The following EFHC2 variants were observed in gnomAD, a reference collection of about 807,000 sequenced individuals.
EFHC2 encodes the protein EF-hand domain containing 2, also known as EF-hand domain-containing family member C2.
Under a neutral mutation model 52.7 loss-of-function variants are expected in EFHC2, and 18 were observed. The observed-to-expected ratio is 0.34, with a 90% CI of 0.24 to 0.51. The LOEUF (loss-of-function observed/expected upper bound fraction) is 0.51, where lower values mean the gene tolerates loss of function less well. EFHC2 is among the 20% of genes least tolerant of loss of function. EFHC2 has a pLI of 0.97. For missense variants in EFHC2, 513 were observed against 562.5 expected (o/e 0.91, Z 0.89); for synonymous variants, 203 against 204.1 (o/e 0.99, Z 0.04).
chrX:44,264,822 T>C (rs2037564922), intron 3 of EFHC2, among the ~76,000 whole-genome samples: 1 of 112,307 alleles, frequency 8.9e-6, no homozygotes, highest in South Asian at 3.7e-4. Flanking sequence ...CAGGAATTTG[T>C]TTTGGGATAT....
intron 2 of EFHC2, among the ~76,000 whole-genome samples, chrX:44,282,665 G>A: frequency 3.8e-5 from 1 of 26,499 alleles, no homozygotes; most frequent in Non-Finnish European, 7.6e-5. Flanking sequence ...TGGGAGAGGA[G>A]GACAAAGAAA....
At chrX:44,215,530 G>GA (rs1491195330) in intron 11 of EFHC2, among the ~76,000 whole-genome samples, 1 of 82,987 alleles carries the variant, frequency 1.2e-5, no homozygotes, top group Admixed American at 1.1e-4. Flanking sequence ...TACTTCCATT[G>GA]GGGGGGGGTG....
intron 6 of EFHC2, 128 bp downstream of exon 6, chrX:44,248,675 A>G: frequency 1.8e-6 from 1 of 562,255 alleles, no homozygotes; most frequent in Admixed American, 3.1e-5. Context: ...TAGCAGTACA[A>G]TGCATACATT....
intron 2 of EFHC2, among the ~76,000 whole-genome samples, chrX:44,275,565 A>G (rs1374347760): frequency 9.1e-6 from 1 of 109,651 alleles, no homozygotes; most frequent in Non-Finnish European, 1.9e-5. Flanking sequence ...TTATAGGAAC[A>G]TAATTATGAT....
intron 4 of EFHC2, among the ~76,000 whole-genome samples, chrX:44,256,712 G>A (rs892020210): frequency 4.5e-5 from 5 of 111,307 alleles, no homozygotes; most frequent in Non-Finnish European, 9.4e-5. Context: ...GAGGTACAAA[G>A]AGGAGCTGGT....
intron 7 of EFHC2, among the ~76,000 whole-genome samples, chrX:44,245,566 C>G (rs2037393616): frequency 1.8e-5 from 2 of 112,112 alleles, no homozygotes; most frequent in African/African-American, 6.5e-5. Flanking sequence ...GCCTGGCAGG[C>G]AAGCCAGGGC....
intron 11 of EFHC2, among the ~76,000 whole-genome samples, chrX:44,219,553 T>C (rs1287667586): frequency 3.6e-5 from 4 of 111,467 alleles, no homozygotes; most frequent in African/African-American, 1.3e-4. Flanking sequence ...AATGGCACAG[T>C]GGTGGATATA....
At chrX:44,314,143 A>G (rs977564620) in intron 1 of EFHC2, among the ~76,000 whole-genome samples, 1 of 112,010 alleles carries the variant, frequency 8.9e-6, no homozygotes, top group African/African-American at 3.2e-5. Flanking sequence ...TACAATGTTC[A>G]TGATAATAAA....
At chrX:44,275,515 G>A (rs1405040832) in intron 2 of EFHC2, among the ~76,000 whole-genome samples, 1 of 110,549 alleles carries the variant, frequency 9.0e-6, no homozygotes, top group Admixed American at 9.7e-5. Flanking sequence ...AGAGAATCCA[G>A]AAAACAGAAC....
intron 2 of EFHC2, among the ~76,000 whole-genome samples, chrX:44,307,174 C>T (rs945817766): frequency 4.5e-5 from 5 of 110,638 alleles, no homozygotes; most frequent in Admixed American, 2.9e-4. Flanking sequence ...GGTGGGGGAT[C>T]ACCACCCCAG....
chrX:44,258,943 T>A (rs1198372320), intron 4 of EFHC2, among the ~76,000 whole-genome samples: 2 of 111,088 alleles, frequency 1.8e-5, no homozygotes, highest in Non-Finnish European at 3.8e-5. Flanking sequence ...GCTTTTACAC[T>A]GTTGGTGGGA....
At chrX:44,210,151 C>A (rs775170313) in intron 11 of EFHC2, among the ~76,000 whole-genome samples, 1 of 111,244 alleles carries the variant, frequency 9.0e-6, no homozygotes, top group South Asian at 3.8e-4. Flanking sequence ...GCCCCTGGTG[C>A]CAAAAAGGTT....
intron 13 of EFHC2, among the ~76,000 whole-genome samples, chrX:44,166,573 T>G (rs771524612): frequency 9.0e-6 from 1 of 111,634 alleles, no homozygotes; most frequent in African/African-American, 3.3e-5. Context: ...GGAAGGTATT[T>G]AAAGCCAAAA....
intron 14 of EFHC2, among the ~76,000 whole-genome samples, chrX:44,163,099 C>T (rs960825671): frequency 3.6e-5 from 4 of 112,394 alleles, no homozygotes; most frequent in Non-Finnish European, 7.5e-5. Context: ...TTTCCCCCAA[C>T]CATCTGGAAG....
intron 11 of EFHC2, among the ~76,000 whole-genome samples, chrX:44,228,348 G>A (rs182850177): frequency 1.8e-5 from 2 of 111,716 alleles, no homozygotes; most frequent in East Asian, 5.6e-4. Context: ...TAGACTTTGC[G>A]AGTGCTGGAA....
intron 14 of EFHC2, among the ~76,000 whole-genome samples, chrX:44,150,259 T>C (rs1411654596): frequency 8.9e-6 from 1 of 111,929 alleles, no homozygotes; most frequent in Non-Finnish European, 1.9e-5. Context: ...GCTGAATAAG[T>C]GGTGATTCAG....
chrX:44,186,462 AGTTCTTC>A (rs1296073312), intron 11 of EFHC2, among the ~76,000 whole-genome samples: 1 of 111,923 alleles, frequency 8.9e-6, no homozygotes, highest in Non-Finnish European at 1.9e-5. Flanking sequence ...TTACAAGCAG[AGTTCTTC>A]GTTTTCTACC....
intron 14 of EFHC2, among the ~76,000 whole-genome samples, chrX:44,159,718 T>C (rs1026264174): frequency 3.6e-5 from 4 of 112,670 alleles, no homozygotes; most frequent in Non-Finnish European, 7.5e-5. Context: ...TGAATCGCAA[T>C]TAGAAGAACC....
intron 11 of EFHC2, among the ~76,000 whole-genome samples, chrX:44,225,233 T>C (rs2037223013): frequency 1.0e-5 from 1 of 99,470 alleles, no homozygotes; most frequent in Non-Finnish European, 2.0e-5. Flanking sequence ...AAATGTTCCC[T>C]ACCCAAATAA....
Sources: gnomAD v4.1 joint callset for allele counts (sites outside exome capture counted in the v4.1 genomes callset) on GRCh38, gnomAD v4.1.1 for gene constraint, MANE v1.5 for transcripts, NCBI Gene and HGNC (gene_info 2026-07-23, HGNC 2026-07-21) for gene names.